TRIO: variants seen among roughly 807,000 people sequenced by gnomAD.
The protein encoded by TRIO is trio Rho guanine nucleotide exchange factor, also known as triple functional domain protein.
A neutral mutation model predicts 351.9 loss-of-function variants in TRIO; 58 were observed. The observed-to-expected ratio is 0.16, with a 90% CI of 0.13 to 0.21. The LOEUF is 0.21. TRIO is among the 10% of genes least tolerant of loss of function. The pLI is 1.00. For synonymous variants in TRIO, 1,758 were observed against 1,595.7 expected (o/e 1.10, Z -2.42); for missense variants, 3,201 against 4,027.8 (o/e 0.79, Z 5.56).
At chr5:14,310,849 C>G (rs1738860774) in intron 8 of TRIO, among the ~76,000 whole-genome samples, 1 of 152,172 alleles carries the variant, frequency 6.6e-6, no homozygotes, top group Non-Finnish European at 1.5e-5. Flanking sequence ...CCAGGCCCGG[C>G]TAATTTTTAT....
At position 14,396,404 on chromosome 5, in the gene TRIO, T is replaced by G. The variant is rs528330635; in HGVS notation, c.4312-639T>G. Among the ~76,000 whole-genome samples the G allele has an allele frequency of 1.9e-3, 278 of 148,008 alleles. 1 individual carries two copies. Among genetic ancestry groups the G allele is most frequent in the African/African-American group, 6.7e-3 (271 of 40,436 alleles). On this transcript the variant is annotated intron_variant, in intron 28 of 56. Transcript: ENST00000344204. Reference sequence around the variant, plus strand: ...ATGGCAGTCAGCTGTAACCAGTAGCTGATGGTGTGTTACATAATAATTAAA... The same window carrying G: ...ATGGCAGTCAGCTGTAACCAGTAGCGGATGGTGTGTTACATAATAATTAAA...
rs1319456748 is a variant in TRIO, at chr5:14,401,720, A to G, written c.4716+656A>G. ...TCTCCTGGGAATGGTCAAGAGCTCTAAGGTTGTCTTATGTATTTTCCTCCT... is the reference window on the plus strand; with the variant it reads ...TCTCCTGGGAATGGTCAAGAGCTCTGAGGTTGTCTTATGTATTTTCCTCCT... On this transcript the variant is annotated intron_variant, in intron 31 of 56. Coordinates refer to ENST00000344204, the MANE Select transcript of TRIO (RefSeq NM_007118.4). Among the ~76,000 whole-genome samples the G allele has an allele frequency of 3.3e-5, 5 of 152,206 alleles. No homozygotes were observed. The East Asian group carries it at 9.6e-4, about 29-fold the overall frequency.
chr5:14,476,907 G>C lies in TRIO; in HGVS notation c.6097G>C (p.Glu2033Gln). The part of the protein sequence containing the change: ...YDWHRDFFLG[E>Q]LEKCLEDPEK... ...CTTTCTTTCCAGCTTTTTTTTAGGA[G>C]AGTTAGAGAAGTGCCTTGAAGATCC... The change falls in exon 41 of 57, where the codon GAG becomes CAG. Residue 2033 changes from glutamate (E) to glutamine (Q), a missense_variant. This residue lies in a region of TRIO where 307 missense variants were observed against 396.5 expected (regional missense o/e 0.77). Coordinates refer to ENST00000344204, the MANE Select transcript of TRIO (RefSeq NM_007118.4). 2 of 1,613,578 alleles carry C rather than the reference G, an allele frequency of 1.2e-6. No individual in the cohort carries two copies. The highest frequency in any genetic ancestry group is 1.7e-6 in the Non-Finnish European group (2 of 1,179,830).
intron 18 of TRIO, among the ~76,000 whole-genome samples, chr5:14,369,966 C>T (rs1487994280): frequency 6.6e-6 from 1 of 152,170 alleles, no homozygotes; most frequent in Non-Finnish European, 1.5e-5. Context: ...AGTGCGAGCG[C>T]CACACGGCTT....
At chr5:14,366,343 A>G (rs1026119823) in intron 15 of TRIO, among the ~76,000 whole-genome samples, 2 of 152,158 alleles carry the variant, frequency 1.3e-5, no homozygotes, top group East Asian at 1.9e-4. Flanking sequence ...TGAGAAGCTC[A>G]TGGTTTGAAC....
intron 1 of TRIO, among the ~76,000 whole-genome samples, chr5:14,214,743 C>G (rs1581368936): frequency 6.6e-6 from 1 of 152,162 alleles, no homozygotes; most frequent in East Asian, 1.9e-4. Flanking sequence ...TTTGATGATA[C>G]AGGACCTCAT....
chr5:14,432,876 C>T (rs908641287), intron 34 of TRIO, among the ~76,000 whole-genome samples: 10 of 152,212 alleles, frequency 6.6e-5, no homozygotes, highest in African/African-American at 1.7e-4. Context: ...AACTTCCTGT[C>T]AGCTCCCCGC....
At chr5:14,285,648 T>A (rs1027070493) in intron 3 of TRIO, among the ~76,000 whole-genome samples, 1 of 152,124 alleles carries the variant, frequency 6.6e-6, no homozygotes, top group Non-Finnish European at 1.5e-5. Context: ...TAGCAATTGG[T>A]TTTCCAGGTT....
chr5:14,173,272 G>A (rs1345198336), intron 1 of TRIO, among the ~76,000 whole-genome samples: 2 of 148,770 alleles, frequency 1.3e-5, no homozygotes, highest in East Asian at 3.9e-4. Context: ...GTGCAGTGGC[G>A]AGATCTAGGC....
At chr5:14,149,285 T>G (rs898097126) in intron 1 of TRIO, among the ~76,000 whole-genome samples, 4 of 152,216 alleles carry the variant, frequency 2.6e-5, no homozygotes, top group African/African-American at 7.2e-5. Flanking sequence ...CAGTGAGGAC[T>G]CCCAGCTTTT....
intron 47 of TRIO, 36 bp downstream of exon 47, chr5:14,485,282 T>G: frequency 6.5e-7 from 1 of 1,541,010 alleles, no homozygotes; most frequent in African/African-American, 1.4e-5. Context: ...TGTGCTTTCT[T>G]TCCTCGTGTA....
At chr5:14,238,762 T>TG (rs1432375257) in intron 1 of TRIO, among the ~76,000 whole-genome samples, 3 of 152,192 alleles carry the variant, frequency 2.0e-5, no homozygotes, top group African/African-American at 4.8e-5. Context: ...AAGGCCCTGG[T>TG]GGGGGGTGCA....
At chr5:14,274,237 T>G (rs1486030274) in intron 2 of TRIO, among the ~76,000 whole-genome samples, 1 of 152,212 alleles carries the variant, frequency 6.6e-6, no homozygotes, top group East Asian at 1.9e-4. Flanking sequence ...CCTGATGTTT[T>G]AGGAAGCGAG....
chr5:14,375,171 A>G (rs1745446872), intron 19 of TRIO, among the ~76,000 whole-genome samples: 1 of 152,230 alleles, frequency 6.6e-6, no homozygotes, highest in African/African-American at 2.4e-5. Flanking sequence ...TCTTTCAGTA[A>G]AACATATTTA....
intron 1 of TRIO, among the ~76,000 whole-genome samples, chr5:14,175,630 T>G (rs901453956): frequency 2.6e-5 from 4 of 152,242 alleles, no homozygotes; most frequent in Non-Finnish European, 4.4e-5. Flanking sequence ...AGACTCAGAA[T>G]AAAGCTTACT....
chr5:14,332,231 C>T (rs1262379807), intron 10 of TRIO, among the ~76,000 whole-genome samples: 2 of 152,196 alleles, frequency 1.3e-5, no homozygotes, highest in Admixed American at 6.5e-5. Flanking sequence ...AAGTTATTAT[C>T]CAGGAAGCCA....
chr5:14,188,689 T>A (rs1419601046), intron 1 of TRIO, among the ~76,000 whole-genome samples: 2 of 152,244 alleles, frequency 1.3e-5, no homozygotes, highest in Non-Finnish European at 2.9e-5. Flanking sequence ...AAGATAAGCA[T>A]GCCAATCATA....
At chr5:14,336,010 T>C (rs1453163130) in intron 10 of TRIO, among the ~76,000 whole-genome samples, 1 of 152,104 alleles carries the variant, frequency 6.6e-6, no homozygotes, top group African/African-American at 2.4e-5. Flanking sequence ...TAGCCTTAAG[T>C]AGAAAGAAGA....
rs748679640 is a variant in TRIO at position 14,290,863 on chromosome 5, A to G, written c.688A>G (p.Met230Val). The part of the protein sequence containing the change: ...FEDYISNATH[M>V]LSRLEELQDI... ...AGACTACATTAGCAATGCCACCCAC[A>G]TGCTGTCTCGGCTGGAGGAACTTCA... The change falls in exon 5 of 57, where the codon ATG (methionine) becomes GTG (valine). Residue 230 changes from methionine (M) to valine (V), a missense_variant. Met to Val is a conservative substitution (Grantham distance 21). Around this residue, in one of 19 missense-constraint regions of TRIO, gnomAD observed 349 missense variants for 449.3 expected, o/e 0.78. Coordinates refer to ENST00000344204, the MANE Select transcript of TRIO (RefSeq NM_007118.4). 6 of 1,614,114 alleles carry G rather than the reference A, an allele frequency of 3.7e-6. No individual in the cohort carries two copies. The highest frequency in any genetic ancestry group is 1.3e-5 in the African/African-American group (1 of 75,012).
Sources: allele counts gnomAD v4.1 joint callset (sites outside exome capture counted in the v4.1 genomes callset), GRCh38; gene constraint gnomAD v4.1.1; regional missense constraint gnomAD v4.1.1; transcripts MANE v1.5; gene names NCBI Gene and HGNC (gene_info 2026-07-23, HGNC 2026-07-21).